The following ZNF600 variants were observed in gnomAD, a reference collection of about 807,000 sequenced individuals.
ZNF600 encodes zinc finger protein 600, also known as zinc finger protein KR-ZNF1.
In ZNF600, 4 loss-of-function variants were observed where a neutral mutation model predicts 7.3. The ratio of observed to expected loss-of-function variants is 0.55; its 90% CI spans 0.27 to 1.25. The LOEUF is 1.25. ZNF600 is among the 50% of genes most tolerant of loss of function. ZNF600 has a pLI of 0.12. For synonymous variants in ZNF600, 290 were observed against 308.9 expected (o/e 0.94, Z 0.64); for missense variants, 911 against 922.1 (o/e 0.99, Z 0.16).
At chr19:52,801,245 T>C in the ZNF600 span, 5 of 1,614,180 alleles carry the variant, frequency 3.1e-6, no homozygotes, top group Non-Finnish European at 3.4e-6. Context: ...GTGTGAGTAA[T>C]GAAGAATGGA....
chr19:52,775,016 G>A (rs1416043917), intron 2 of ZNF600, among the ~76,000 whole-genome samples: 8 of 152,134 alleles, frequency 5.3e-5, no homozygotes, highest in Non-Finnish European at 1.2e-4. Flanking sequence ...AAGGCGGGCA[G>A]ATTATTTGAT....
chr19:52,809,931 G>C, the ZNF600 span: 3 of 861,142 alleles, frequency 3.5e-6, no homozygotes, highest in Non-Finnish European at 5.8e-6. Context: ...TGGGGAGGCC[G>C]GGGAGGTTGC....
rs114805578 is a variant in ZNF600 at position 52,770,563 on chromosome 19, T to C, written c.191-2791A>G. Among the ~76,000 whole-genome samples the C allele has an allele frequency of 3.1e-3, 471 of 152,352 alleles. 1 individual carries two copies. The highest frequency in any genetic ancestry group is 0.011 in the African/African-American group (459 of 41,584). ...CATTTGTGCATTCCCCATAGTTATC[T>C]AGTTCACTATGCGTAAGATATAAAA... On this transcript the variant is annotated intron_variant, in intron 3 of 3. Coordinates refer to ENST00000648973, the Ensembl canonical transcript of ZNF600.
intron 2 of ZNF600, 115 bp downstream of exon 4, chr19:52,778,711 T>C (rs1218518571): frequency 1.2e-5 from 17 of 1,385,320 alleles, no homozygotes; most frequent in Non-Finnish European, 1.6e-5. Context: ...CATGGCTGAG[T>C]GTGAGTGAAC....
chr19:52,779,029 A>C, intron 1 of ZNF600, 122 bp from the exon 4 acceptor site: 1 of 853,108 alleles, frequency 1.2e-6, no homozygotes, highest in East Asian at 2.7e-5. Flanking sequence ...CCACTGCACC[A>C]GAGATCATGC....
chr19:52,793,764 CCACACACACACACA>C, the ZNF600 span, among the ~76,000 whole-genome samples: 1,036 of 138,822 alleles, frequency 7.5e-3, 9 homozygotes, highest in African/African-American at 0.019. Context: ...CCAAACTCTG[CCACACACACACACA>C]CACACACACA....
chr19:52,769,358 A>G (rs1435820860), intron 3 of ZNF600, among the ~76,000 whole-genome samples: 1 of 152,150 alleles, frequency 6.6e-6, no homozygotes, highest in Non-Finnish European at 1.5e-5. Context: ...CTTCTAGATA[A>G]CAGTAGCAAA....
the ZNF600 span, among the ~76,000 whole-genome samples, chr19:52,832,551 C>G: frequency 2.0e-5 from 3 of 151,278 alleles, no homozygotes; most frequent in African/African-American, 7.3e-5. Flanking sequence ...GCTGAGATCC[C>G]ATCACTGCAC....
the ZNF600 span, chr19:52,810,528 A>G: frequency 6.3e-7 from 1 of 1,597,488 alleles, no homozygotes; most frequent in East Asian, 2.2e-5. Flanking sequence ...GTGATCCCAA[A>G]GCGAACCAAC....
chr19:52,784,695 A>G (rs1156268648), intron 1 of ZNF600, among the ~76,000 whole-genome samples: 3 of 152,320 alleles, frequency 2.0e-5, no homozygotes, highest in East Asian at 3.9e-4. Context: ...ATCATATCCA[A>G]TGAACTCACC....
the ZNF600 span, among the ~76,000 whole-genome samples, chr19:52,806,176 T>A: frequency 2.5e-4 from 32 of 129,254 alleles, 2 homozygotes; most frequent in East Asian, 7.5e-3. Flanking sequence ...GAAGAAGTCA[T>A]TTTTGCAGGT....
intron 3 of ZNF600, among the ~76,000 whole-genome samples, chr19:52,768,497 T>C (rs1332823464): frequency 6.6e-6 from 1 of 151,652 alleles, no homozygotes; most frequent in Non-Finnish European, 1.5e-5. Flanking sequence ...ATAAATGTCA[T>C]AAAATTACCT....
the ZNF600 span, among the ~76,000 whole-genome samples, chr19:52,813,249 G>GAACAAAA: frequency 1.6e-4 from 10 of 62,984 alleles, 1 homozygote; most frequent in Admixed American, 9.5e-4. Flanking sequence ...CTTGAATGGT[G>GAACAAAA]AAAAAAAAAA....
chr19:52,824,103 T>A, the ZNF600 span, among the ~76,000 whole-genome samples: 6 of 150,854 alleles, frequency 4.0e-5, no homozygotes, highest in South Asian at 2.1e-4. Flanking sequence ...ATAATAATAA[T>A]AAATATGGCC....
intron 3 of ZNF600, among the ~76,000 whole-genome samples, chr19:52,771,888 G>A (rs755103452): frequency 4.6e-5 from 7 of 152,126 alleles, no homozygotes; most frequent in Non-Finnish European, 8.8e-5. Flanking sequence ...GCTGGAATTA[G>A]AGGCCTAAGC....
chr19:52,781,223 T>C (rs1389043164), intron 1 of ZNF600, 94 bp downstream of exon 2: 1 of 151,776 alleles, frequency 6.6e-6, no homozygotes. Flanking sequence ...AACTGAGCAC[T>C]ACCCTCTCCC....
chr19:52,787,496 T>TC (rs2062774998), upstream of ZNF600, among the ~76,000 whole-genome samples: 1 of 138,366 alleles, frequency 7.2e-6, no homozygotes, highest in Non-Finnish European at 1.5e-5. Flanking sequence ...AAGCTCCGCC[T>TC]CCCGGGTTCA....
At chr19:52,821,084 G>A in the ZNF600 span, among the ~76,000 whole-genome samples, 1 of 152,126 alleles carries the variant, frequency 6.6e-6, no homozygotes, top group African/African-American at 2.4e-5. Context: ...CGGTGACTGC[G>A]GAGGGGAGAT....
intron 1 of ZNF600, among the ~76,000 whole-genome samples, chr19:52,782,305 C>G (rs13313716): frequency 0.23 from 34,790 of 151,720 alleles, 5,167 homozygotes; most frequent in African/African-American, 0.42. Context: ...GGGAGGATCA[C>G]CTGAGGTCAG....
Sources: allele counts gnomAD v4.1 joint callset (sites outside exome capture counted in the v4.1 genomes callset), GRCh38; gene constraint gnomAD v4.1.1; transcripts MANE v1.5; gene names NCBI Gene and HGNC (gene_info 2026-07-23, HGNC 2026-07-21).